Variants in APLF observed in about 807,000 individuals in gnomAD.
APLF encodes the protein aprataxin and PNKP like factor.
In APLF, 61 loss-of-function variants were observed where a neutral mutation model predicts 55.6. The ratio of observed to expected loss-of-function variants is 1.10; its 90% CI spans 0.89 to 1.36. APLF has a LOEUF of 1.36. Ranked by LOEUF, APLF falls within the 40% of genes most tolerant of loss-of-function variation. The probability of loss-of-function intolerance (pLI) is 0.00; values close to 1 mark genes in which losing one functional copy is unlikely to be tolerated. For missense variants in APLF, 611 were observed against 602.5 expected, an observed-to-expected ratio of 1.01 and a Z score of -0.15; for synonymous variants, 207 against 214.8, an observed-to-expected ratio of 0.96 and a Z score of 0.32.
At chr2:68,525,909 C>T in intron 5 of APLF, 152 bp from the exon 6 acceptor site, 1 of 677,900 alleles carries the variant, frequency 1.5e-6, no homozygotes. Flanking sequence ...ACCACCACAC[C>T]TGCCTATCTT....
intron 7 of APLF, among the ~76,000 whole-genome samples, chr2:68,544,176 A>T (rs762498563): frequency 5.3e-5 from 8 of 151,868 alleles, no homozygotes; most frequent in Non-Finnish European, 8.8e-5. Flanking sequence ...ATGGGGTTTC[A>T]CCGTGTTGGC....
chr2:68,570,207 G>A (rs969499154), intron 9 of APLF, among the ~76,000 whole-genome samples: 2 of 151,174 alleles, frequency 1.3e-5, no homozygotes, highest in Non-Finnish European at 2.9e-5. Context: ...ACACTTTTTC[G>A]AGTGCTACAA....
Position 68,529,235 on chromosome 2 carries a change from C to T in APLF, c.804+2993C>T, listed in dbSNP as rs144060986. The T allele has an allele frequency of 2.5e-3, 3,155 of 1,253,664 alleles. 14 individuals are homozygous for T. The highest frequency in any genetic ancestry group is 0.019 in the East Asian group (737 of 39,088). 77.7% of individuals were successfully genotyped at this position (1,253,664 alleles called of 1,614,324 possible). A position where few individuals can be genotyped will look rare whatever the true frequency, so the allele number is the denominator to read the frequency against. ...CGTGTTCCAAGGGATAAGACACAGC[C>T]TCATAAGGGTGCCGTCCCACCTGCC... is the stretch of plus-strand genomic sequence containing the variant. On this transcript the variant is annotated intron_variant, in intron 6 of 9. Transcript: ENST00000303795. This position sits in a 1 kb window ranked among gnomAD's most constrained non-coding sequence, Gnocchi z 4.4.
intron 9 of APLF, among the ~76,000 whole-genome samples, chr2:68,576,241 G>T (rs1450591890): frequency 6.6e-6 from 1 of 152,150 alleles, no homozygotes. Context: ...CAAAAATAGA[G>T]ATATTGATGT....
At chr2:68,501,208 G>A (rs974807151) in intron 2 of APLF, among the ~76,000 whole-genome samples, 1 of 151,994 alleles carries the variant, frequency 6.6e-6, no homozygotes, top group Admixed American at 6.5e-5. Context: ...ATGATGTATG[G>A]CCAGATTCTT....
rs1245043703 is a variant in APLF at position 68,538,078 on chromosome 2, G to C, written c.1011G>C (p.Gln337His). ...CGAGTGCCCAGGGCGACTCACTTCA[G>C]GATGAGTCTCAAGGGTCTCATTCTG... Reference protein sequence around the residue: ...NCSSAQGDSLQDESQGSHSES... With the variant: ...NCSSAQGDSLHDESQGSHSES... The change falls in exon 7 of 10, where the codon CAG becomes CAC. Residue 337 changes from glutamine (Q) to histidine (H), a missense_variant. By Grantham distance (24) the Gln-to-His change is conservative (BLOSUM62 0). Transcript: ENST00000303795. 1 of 1,614,006 alleles carries C rather than the reference G, an allele frequency of 6.2e-7. No individual in the cohort carries two copies. The highest frequency in any genetic ancestry group is 8.5e-7 in the Non-Finnish European group (1 of 1,179,984).
chr2:68,538,973 A>T (rs72901978), intron 7 of APLF, among the ~76,000 whole-genome samples: 3 of 152,096 alleles, frequency 2.0e-5, no homozygotes, highest in Non-Finnish European at 4.4e-5. Flanking sequence ...AGTTCCCCCC[A>T]CTGTATCTTA....
At chr2:68,548,932 C>A (rs1670782657) in intron 8 of APLF, among the ~76,000 whole-genome samples, 1 of 151,954 alleles carries the variant, frequency 6.6e-6, no homozygotes, top group Non-Finnish European at 1.5e-5. Context: ...TACCTAACCC[C>A]ATATCTTTTC....
intron 3 of APLF, among the ~76,000 whole-genome samples, chr2:68,510,383 A>AT: frequency 6.6e-6 from 1 of 151,928 alleles, no homozygotes; most frequent in East Asian, 1.9e-4. Flanking sequence ...TTGAATAGAC[A>AT]TTTTTCCAAA....
At position 68,564,162 on chromosome 2, in the gene APLF, G is replaced by T. The variant is rs116192918; in HGVS notation, c.1287-3179G>T. On this transcript the variant is annotated intron_variant, in intron 8 of 9. Coordinates refer to ENST00000303795, the MANE Select transcript of APLF (RefSeq NM_173545.3). ...CTGAATTTAATTAAGTCAGTGACCT[G>T]CACCAGCATGGTCAGTAGGAAAGAT... is the stretch of plus-strand genomic sequence containing the variant. 5.5e-3 allele frequency among the ~76,000 whole-genome samples: 837 copies of T among 152,128 alleles called. 4 individuals are homozygous for T. The highest frequency in any genetic ancestry group is 0.019 in the African/African-American group (800 of 41,524).
At chr2:68,555,158 C>T (rs567394162) in intron 8 of APLF, among the ~76,000 whole-genome samples, 1 of 152,200 alleles carries the variant, frequency 6.6e-6, no homozygotes, top group South Asian at 2.1e-4. Flanking sequence ...CAAAAATCAA[C>T]TCAAGATGGA....
intron 3 of APLF, among the ~76,000 whole-genome samples, chr2:68,506,888 C>A (rs1319366608): frequency 1.3e-5 from 2 of 151,674 alleles, no homozygotes. Context: ...AGGGAAAAAA[C>A]CCAAAAAGGT....
intron 5 of APLF, 64 bp from the exon 6 acceptor site, chr2:68,525,997 A>T: frequency 6.9e-7 from 1 of 1,442,042 alleles, no homozygotes. Context: ...TCTTTTTTTG[A>T]TATGGATTAT....
chr2:68,562,746 A>G (rs1448175508), intron 8 of APLF, among the ~76,000 whole-genome samples: 1 of 152,062 alleles, frequency 6.6e-6, no homozygotes, highest in African/African-American at 2.4e-5. Context: ...CTAGAGTAGA[A>G]ACAAAAGATT....
intron 1 of APLF, among the ~76,000 whole-genome samples, chr2:68,472,061 A>G (rs1425580113): frequency 3.6e-4 from 55 of 152,224 alleles, no homozygotes; most frequent in Admixed American, 3.6e-3. Flanking sequence ...TCTGGTTGAC[A>G]ATTAGTTGAG....
At chr2:68,473,977 A>G (rs1300452939) in intron 1 of APLF, among the ~76,000 whole-genome samples, 2 of 152,174 alleles carry the variant, frequency 1.3e-5, no homozygotes, top group East Asian at 3.8e-4. Context: ...GCAAGCCCCA[A>G]GTTGTTTTAC....
chr2:68,469,767 C>T (rs926859336), intron 1 of APLF, among the ~76,000 whole-genome samples: 1 of 151,996 alleles, frequency 6.6e-6, no homozygotes, highest in Non-Finnish European at 1.5e-5. Flanking sequence ...TGTGAGAGAG[C>T]GAAGACTGAG....
chr2:68,481,320 A>G (rs1309054608), intron 1 of APLF, among the ~76,000 whole-genome samples: 1 of 152,032 alleles, frequency 6.6e-6, no homozygotes, highest in African/African-American at 2.4e-5. Flanking sequence ...GGAAAACTTC[A>G]TTTCTAAAGG....
At chr2:68,554,494 T>C (rs1670951262) in intron 8 of APLF, among the ~76,000 whole-genome samples, 1 of 152,128 alleles carries the variant, frequency 6.6e-6, no homozygotes, top group Non-Finnish European at 1.5e-5. Context: ...TTTGACAGTG[T>C]GATCATTTTT....
Sources: gnomAD v4.1 joint callset for allele counts (sites outside exome capture counted in the v4.1 genomes callset) on GRCh38, gnomAD v4.1.1 for gene constraint, Gnocchi (gnomAD v3.1) non-coding constraint, MANE v1.5 for transcripts, NCBI Gene and HGNC (gene_info 2026-07-23, HGNC 2026-07-21) for gene names.